TRPM1: variants seen among roughly 807,000 people sequenced by gnomAD.
The protein encoded by TRPM1 is TRPM1-203 APA Isoform, Intron 10.
TRPM1 carries 113 observed loss-of-function variants against 149.4 expected under a neutral mutation model. The observed-to-expected ratio is 0.76, with a 90% CI of 0.65 to 0.88. The LOEUF (loss-of-function observed/expected upper bound fraction) is 0.88, where lower values mean the gene tolerates loss of function less well. Among genes scored for constraint, TRPM1 ranks in the 40% least tolerant of loss-of-function variants. The probability of loss-of-function intolerance (pLI) is 0.00; values close to 1 mark genes in which losing one functional copy is unlikely to be tolerated. For missense variants in TRPM1, 1,976 were observed against 2,038.7 expected (o/e 0.97, Z 0.59); for synonymous variants, 741 against 759.5 (o/e 0.98, Z 0.40).
chr15:31,078,076 C>A (rs1200671079), intron 2 of TRPM1, among the ~76,000 whole-genome samples: 4 of 152,098 alleles, frequency 2.6e-5, no homozygotes, highest in African/African-American at 9.7e-5. Flanking sequence ...CTTAGAGAAA[C>A]CATGGCCGGC....
chr15:31,060,637 G>A lies in TRPM1; in HGVS notation c.1170C>T (p.Asn390=), dbSNP rs761827027. 1.1e-5 allele frequency: 18 copies of A among 1,613,988 alleles called. No individual in the cohort carries two copies. The highest frequency in any genetic ancestry group is 1.7e-5 in the Admixed American group (1 of 60,024). The change falls in exon 11 of 28, where the codon AAC becomes AAT. Residue 390 remains asparagine (N), a synonymous_variant. Coordinates refer to ENST00000256552, the MANE Select transcript of TRPM1 (RefSeq NM_001252024.2). Reference sequence around the variant, plus strand: ...AGCTCAGCTGATCTGGAGCAGATACGTTTGTTCCTGGAAAGGCAAGAAACC... The same window carrying A: ...AGCTCAGCTGATCTGGAGCAGATACATTTGTTCCTGGAAAGGCAAGAAACC... ...AILTALLKGT[N]VSAPDQLSLA...
At chr15:31,127,564 C>T (rs551818540) in intron 1 of TRPM1, among the ~76,000 whole-genome samples, 1 of 152,290 alleles carries the variant, frequency 6.6e-6, no homozygotes, top group African/African-American at 2.4e-5. Context: ...GCTAACATTC[C>T]GTTTGGGTTC....
At position 31,002,542 on chromosome 15, in the gene TRPM1, A is replaced by G; in HGVS notation, c.4158T>C (p.Asp1386=). The G allele has an allele frequency of 6.2e-7, 1 of 1,614,034 alleles. No homozygotes were observed. The highest frequency in any genetic ancestry group is 8.5e-7 in the Non-Finnish European group (1 of 1,180,024). ...TTTTAGAGTCTGTCTGTCTTTCATC[A>G]TCTTCCTTTGAAATCCCAATATCTG... ...LGPDIGISKE[D]DERQTDSKKE... The change falls in exon 28 of 28, where the codon GAT becomes GAC. Residue 1386 remains aspartate (D), a synonymous_variant. Coordinates refer to ENST00000256552, the MANE Select transcript of TRPM1 (RefSeq NM_001252024.2).
chr15:31,049,242 A>G (rs1473105880), intron 13 of TRPM1, 133 bp downstream of exon 13: 15 of 1,317,310 alleles, frequency 1.1e-5, no homozygotes, highest in Non-Finnish European at 1.5e-5. Flanking sequence ...GGTGAGAAGT[A>G]GCCGCCTGCC....
intron 1 of TRPM1, among the ~76,000 whole-genome samples, chr15:31,101,145 G>A (rs1397895685): frequency 1.3e-5 from 2 of 152,190 alleles, no homozygotes; most frequent in African/African-American, 4.8e-5. Flanking sequence ...GCATTTTCTG[G>A]GGTTCTAAGG....
chr15:31,051,802 G>T (rs1440668391), intron 11 of TRPM1, among the ~76,000 whole-genome samples: 1 of 152,134 alleles, frequency 6.6e-6, no homozygotes, highest in Non-Finnish European at 1.5e-5. Flanking sequence ...CTGCTTGCAT[G>T]TCTCAAAGAC....
intron 12 of TRPM1, 39 bp downstream of exon 12, chr15:31,050,370 G>A (rs764921166): frequency 1.3e-5 from 21 of 1,613,982 alleles, no homozygotes; most frequent in African/African-American, 2.7e-5. Flanking sequence ...CTGGGGAAGG[G>A]TGATGCCAAG....
intron 14 of TRPM1, among the ~76,000 whole-genome samples, chr15:31,047,670 T>C (rs1346523596): frequency 6.6e-6 from 1 of 152,242 alleles, no homozygotes; most frequent in African/African-American, 2.4e-5. Context: ...ATAATCCGGC[T>C]GTCACTGACA....
chr15:31,067,279 C>T lies in TRPM1; in HGVS notation c.494-92G>A, dbSNP rs117840846. 4,783 of 1,558,864 alleles carry T rather than the reference C, an allele frequency of 3.1e-3. 12 individuals are homozygous for T. Among genetic ancestry groups the T allele is most frequent in the Non-Finnish European group, 3.9e-3 (4,396 of 1,130,262 alleles). ...TAGGGACACTTGCCCTGAGTCCCTACATTCCCTACAGATCAGGGGTGAGAC... is the reference window on the plus strand; with the variant it reads ...TAGGGACACTTGCCCTGAGTCCCTATATTCCCTACAGATCAGGGGTGAGAC... On this transcript the variant is annotated intron_variant, in intron 5 of 27. Coordinates refer to ENST00000256552, the MANE Select transcript of TRPM1 (RefSeq NM_001252024.2).
intron 11 of TRPM1, among the ~76,000 whole-genome samples, chr15:31,051,307 C>G (rs566102235): frequency 2.8e-4 from 42 of 152,324 alleles, no homozygotes; most frequent in African/African-American, 9.4e-4. Context: ...AGCTGGCGTC[C>G]TCTCTTGCCA....
Position 31,063,311 on chromosome 15 carries a change from T to C in TRPM1, c.791-19A>G. 1 of 1,614,054 alleles carries C rather than the reference T, an allele frequency of 6.2e-7. No homozygotes were observed. Among genetic ancestry groups the C allele is most frequent in the East Asian group, 2.2e-5 (1 of 44,868 alleles). ...CCCAGTCCTGCAACACAAACCACAT[T>C]CGCCCATACCACCTGTGCCCTGCAC... On this transcript the variant is annotated intron_variant, in intron 7 of 27. Coordinates refer to ENST00000256552, the MANE Select transcript of TRPM1 (RefSeq NM_001252024.2).
chr15:31,065,161 T>G (rs766938956), intron 7 of TRPM1: 2 of 531,380 alleles, frequency 3.8e-6, no homozygotes, highest in South Asian at 2.8e-5. Context: ...TTGTAAAAAC[T>G]TACAAGTCCA....
intron 27 of TRPM1, among the ~76,000 whole-genome samples, chr15:31,006,802 AT>A (rs1042416630): frequency 6.6e-6 from 1 of 151,780 alleles, no homozygotes; most frequent in Admixed American, 6.6e-5. Flanking sequence ...AATTTTTTTT[AT>A]TTTTAGCTCT....
chr15:31,038,086 G>T lies in TRPM1; in HGVS notation c.2397C>A (p.Ser799=), dbSNP rs774016999. Residue 799 remains serine, a synonymous_variant, in exon 19 of 28, where the codon TCC becomes TCA. Coordinates refer to ENST00000256552, the MANE Select transcript of TRPM1 (RefSeq NM_001252024.2). ...RTYDDFSYQT[S]KENEDGKEKE... is the part of the protein sequence containing the mutation. ...TTTCTTTGCCATCCTCATTTTCCTT[G>T]GATGTTTGATACGAGAAATCATCAT... is the stretch of plus-strand genomic sequence containing the variant. 6.2e-7 allele frequency: 1 copy of T among 1,614,048 alleles called. No individual in the cohort carries two copies. The highest frequency in any genetic ancestry group is 8.5e-7 in the Non-Finnish European group (1 of 1,179,980).
chr15:31,097,331 C>T (rs1174300048), intron 1 of TRPM1, among the ~76,000 whole-genome samples: 1 of 151,560 alleles, frequency 6.6e-6, no homozygotes, highest in Non-Finnish European at 1.5e-5. Flanking sequence ...GTATCCAGCC[C>T]AACTCTTTGC....
chr15:31,026,302 A>C, intron 26 of TRPM1, 31 bp from the exon 27 acceptor site: 1 of 1,605,888 alleles, frequency 6.2e-7, no homozygotes, highest in African/African-American at 1.3e-5. Flanking sequence ...CGGCCACGTG[A>C]AAAACAAGAA....
intron 1 of TRPM1, among the ~76,000 whole-genome samples, chr15:31,159,973 C>T (rs1288091606): frequency 6.6e-6 from 1 of 152,134 alleles, no homozygotes; most frequent in Non-Finnish European, 1.5e-5. Context: ...CCAGCCCACA[C>T]AAGGGCTGCA....
chr15:31,126,064 A>AGAGATTGCAGTGAGCC (rs1312625073), intron 1 of TRPM1, among the ~76,000 whole-genome samples: 1 of 151,536 alleles, frequency 6.6e-6, no homozygotes, highest in Non-Finnish European at 1.5e-5. Flanking sequence ...CCCGGGAGGC[A>AGAGATTGCAGTGAGCC]GAGATTGCAG....
chr15:31,046,109 T>C (rs897193651), intron 16 of TRPM1, 95 bp downstream of exon 16: 3 of 1,237,416 alleles, frequency 2.4e-6, no homozygotes, highest in Non-Finnish European at 3.5e-6. Context: ...TAAATTTTGG[T>C]GAGTAGTATC....
Sources: allele counts gnomAD v4.1 joint callset (sites outside exome capture counted in the v4.1 genomes callset), GRCh38; gene constraint gnomAD v4.1.1; transcripts MANE v1.5; gene names NCBI Gene and HGNC (gene_info 2026-07-23, HGNC 2026-07-21).